Variants in COL24A1 observed in about 807,000 individuals in gnomAD.
The protein encoded by COL24A1 is collagen alpha-1(XXIV) chain.
A neutral mutation model predicts 253.9 loss-of-function variants in COL24A1; 224 were observed. The observed-to-expected ratio is 0.88, with a 90% CI of 0.79 to 0.99. COL24A1 has a LOEUF of 0.99. COL24A1 is among the 50% of genes least tolerant of loss of function. The probability of loss-of-function intolerance (pLI) is 0.00; values close to 1 mark genes in which losing one functional copy is unlikely to be tolerated. For missense variants in COL24A1, 2,131 were observed against 2,068.5 expected, an observed-to-expected ratio of 1.03 and a Z score of -0.59; for synonymous variants, 685 against 673.7, an observed-to-expected ratio of 1.02 and a Z score of -0.26.
chr1:86,057,137 T>C (rs1197730679), intron 10 of COL24A1, among the ~76,000 whole-genome samples: 1 of 152,114 alleles, frequency 6.6e-6, no homozygotes, highest in African/African-American at 2.4e-5. Context: ...CATCATCTCC[T>C]TGGTGACAAG....
Position 86,125,973 on chromosome 1 carries a change from A to G in COL24A1, c.363T>C (p.Phe121=). The G allele has an allele frequency of 6.2e-7, 1 of 1,613,558 alleles. No individual in the cohort carries two copies. The change falls in exon 3 of 60, where the codon TTT becomes TTC. Residue 121 remains phenylalanine (F), a synonymous_variant. Coordinates refer to ENST00000370571, the MANE Select transcript of COL24A1 (RefSeq NM_152890.7). ...GLQSHRVNNA[F]LFSIRNKNRL... The stretch of plus-strand genomic sequence containing the variant: ...TATTTTTATTTCTAATGCTGAAGAG[A>G]AATGCATTGTTCACCCGATGTGACT...
chr1:85,842,170 A>G, intron 40 of COL24A1, 49 bp from the exon 41 acceptor site: 1 of 1,552,830 alleles, frequency 6.4e-7, no homozygotes, highest in Non-Finnish European at 8.9e-7. Context: ...TAGATATTAG[A>G]TATTGCATTA....
At chr1:86,055,795 C>T (rs761659832) in intron 10 of COL24A1, among the ~76,000 whole-genome samples, 48 of 152,018 alleles carry the variant, frequency 3.2e-4, no homozygotes, top group Non-Finnish European at 5.7e-4. Flanking sequence ...CACAGAGAGA[C>T]TGAATAACAT....
chr1:85,969,120 G>A (rs994660160), intron 22 of COL24A1, among the ~76,000 whole-genome samples: 7 of 152,046 alleles, frequency 4.6e-5, no homozygotes, highest in African/African-American at 9.7e-5. Context: ...TCCTGTTTTC[G>A]AAGGAAGTAA....
intron 13 of COL24A1, among the ~76,000 whole-genome samples, chr1:86,033,308 G>A (rs1335298599): frequency 6.6e-6 from 1 of 152,020 alleles, no homozygotes; most frequent in Non-Finnish European, 1.5e-5. Flanking sequence ...GCTTAAGATT[G>A]GGGAATAGCT....
chr1:85,734,583 A>G (rs1663851935), intron 59 of COL24A1, among the ~76,000 whole-genome samples, 166 bp downstream of exon 59: 1 of 152,220 alleles, frequency 6.6e-6, no homozygotes. Flanking sequence ...ATATAAACAA[A>G]TGATTGATTC....
chr1:85,976,550 G>A (rs562197339), intron 20 of COL24A1, among the ~76,000 whole-genome samples: 149 of 152,132 alleles, frequency 9.8e-4, no homozygotes, highest in Non-Finnish European at 1.7e-3. Context: ...TTCTCTACCC[G>A]CCTAGTAGCC....
intron 59 of COL24A1, among the ~76,000 whole-genome samples, chr1:85,733,323 T>C (rs1049808076): frequency 2.0e-5 from 3 of 152,126 alleles, no homozygotes; most frequent in African/African-American, 7.2e-5. Context: ...GGCAAACTCT[T>C]CTCTAAAGGG....
At chr1:86,074,521 C>T (rs949888361) in intron 7 of COL24A1, among the ~76,000 whole-genome samples, 6 of 152,090 alleles carry the variant, frequency 3.9e-5, no homozygotes, top group Non-Finnish European at 4.4e-5. Flanking sequence ...GACTTTAACA[C>T]CCCACTGTCA....
At chr1:85,872,827 A>G (rs1680686527) in intron 35 of COL24A1, among the ~76,000 whole-genome samples, 2 of 152,230 alleles carry the variant, frequency 1.3e-5, no homozygotes, top group Admixed American at 6.5e-5. Context: ...CAAAAGCCAA[A>G]ATTGACAAAT....
intron 2 of COL24A1, among the ~76,000 whole-genome samples, chr1:86,131,854 T>C (rs930398589): frequency 2.0e-4 from 31 of 152,192 alleles, no homozygotes; most frequent in Non-Finnish European, 1.2e-4. Context: ...CAGCATGATT[T>C]ATAATCTTTT....
At chr1:86,130,256 CTA>C (rs1648954216) in intron 2 of COL24A1, among the ~76,000 whole-genome samples, 1 of 151,842 alleles carries the variant, frequency 6.6e-6, no homozygotes, top group Non-Finnish European at 1.5e-5. Flanking sequence ...CTGTGAAACA[CTA>C]TGTTTTAGGT....
intron 20 of COL24A1, among the ~76,000 whole-genome samples, chr1:85,974,082 T>C (rs899241637): frequency 6.6e-6 from 1 of 152,124 alleles, no homozygotes; most frequent in Non-Finnish European, 1.5e-5. Flanking sequence ...ATTCCAAGTA[T>C]AAAAAGTGAA....
At chr1:85,907,152 A>AT (rs1415255032) in intron 28 of COL24A1, 42 bp downstream of exon 28, 1 of 1,491,596 alleles carries the variant, frequency 6.7e-7, no homozygotes, top group Non-Finnish European at 9.2e-7. Context: ...TTATGAAGTA[A>AT]TTTTGGGGGG....
intron 56 of COL24A1, 40 bp from the exon 57 acceptor site, chr1:85,744,874 C>A (rs1460627360): frequency 1.3e-6 from 2 of 1,541,190 alleles, no homozygotes; most frequent in African/African-American, 2.8e-5. Flanking sequence ...CAAAAAAATC[C>A]TGAGGACCAA....
intron 43 of COL24A1, among the ~76,000 whole-genome samples, chr1:85,830,530 G>A (rs187925190): frequency 0.021 from 3,157 of 152,210 alleles, 108 homozygotes; most frequent in African/African-American, 0.073. Context: ...CCTGGCTGCC[G>A]CCTTGCAGTT....
intron 53 of COL24A1, among the ~76,000 whole-genome samples, chr1:85,770,791 T>C (rs1667873820): frequency 1.3e-5 from 2 of 152,208 alleles, no homozygotes; most frequent in Admixed American, 1.3e-4. Flanking sequence ...TATAAGCTAC[T>C]TTGGTCACAA....
At chr1:85,844,834 T>C (rs313703) in intron 39 of COL24A1, among the ~76,000 whole-genome samples, 124,873 of 151,856 alleles carry the variant, frequency 0.82, 51,739 homozygotes, top group South Asian at 0.87. Context: ...AAATAACATT[T>C]GGCTCAGATT....
intron 24 of COL24A1, among the ~76,000 whole-genome samples, chr1:85,958,373 T>C (rs1164535872): frequency 3.3e-5 from 5 of 152,144 alleles, no homozygotes; most frequent in Non-Finnish European, 5.9e-5. Context: ...CTTGTACTAT[T>C]TTTTATAGAA....
Sources: allele counts gnomAD v4.1 joint callset (sites outside exome capture counted in the v4.1 genomes callset), GRCh38; gene constraint gnomAD v4.1.1; transcripts MANE v1.5; gene names NCBI Gene and HGNC (gene_info 2026-07-23, HGNC 2026-07-21).